The following TTC1 variants were observed in gnomAD, a reference collection of about 807,000 sequenced individuals.
TTC1 encodes tetratricopeptide repeat domain 1.
In TTC1, 31 loss-of-function variants were observed where a neutral mutation model predicts 37.6. That is an observed-to-expected ratio of 0.82 (90% CI 0.62 to 1.11). The LOEUF (loss-of-function observed/expected upper bound fraction) is 1.11. Ranked by LOEUF, TTC1 falls within the 50% of genes most tolerant of loss-of-function variation. The pLI is 0.00. For synonymous variants in TTC1, 127 were observed against 122.4 expected, an observed-to-expected ratio of 1.04 and a Z score of -0.25; for missense variants, 351 against 339.0, an observed-to-expected ratio of 1.04 and a Z score of -0.28.
At chr5:160,055,500 C>T (rs1188374892) in intron 7 of TTC1, among the ~76,000 whole-genome samples, 6 of 152,230 alleles carry the variant, frequency 3.9e-5, no homozygotes, top group Non-Finnish European at 8.8e-5. Flanking sequence ...AGCAAGTTAA[C>T]CTTTTGGAGC....
intron 2 of TTC1, among the ~76,000 whole-genome samples, chr5:160,020,224 A>G (rs1756681580): frequency 6.6e-6 from 1 of 152,196 alleles, no homozygotes; most frequent in Non-Finnish European, 1.5e-5. Context: ...TTTGGAACTA[A>G]GGTGGTCAGT....
rs772361709 is a variant in TTC1 at position 160,043,097 on chromosome 5, T to C, written c.505-36T>C. ...AGCCTTTGGGCCATTAAGATAAAAC[T>C]AGGGCAACACATATTAATACTGTTT... On this transcript the variant is annotated intron_variant, in intron 4 of 7. Transcript: ENST00000231238. The C allele has an allele frequency of 2.5e-6, 4 of 1,607,028 alleles. No homozygotes were observed. In the South Asian group the frequency reaches 3.4e-5, roughly 14 times the overall value.
chr5:160,051,253 A>G (rs1757397338), intron 7 of TTC1, 70 bp downstream of exon 7: 1 of 1,250,080 alleles, frequency 8.0e-7, no homozygotes, highest in Admixed American at 2.0e-5. Flanking sequence ...AGCGAATACT[A>G]GAGGAGAACA....
intron 5 of TTC1, among the ~76,000 whole-genome samples, 178 bp downstream of exon 5, chr5:160,043,347 G>C (rs1757135379): frequency 6.6e-6 from 1 of 152,194 alleles, no homozygotes; most frequent in South Asian, 2.1e-4. Flanking sequence ...TGAATGGATA[G>C]TTCAATCAGT....
chr5:160,058,412 T>C (rs1008206385), intron 7 of TTC1, among the ~76,000 whole-genome samples: 4 of 147,350 alleles, frequency 2.7e-5, no homozygotes, highest in African/African-American at 1.0e-4. Flanking sequence ...TGTATTTCTT[T>C]TTTTTTTTTT....
At chr5:160,040,948 T>TC (rs2113374821) in intron 4 of TTC1, among the ~76,000 whole-genome samples, 1 of 151,364 alleles carries the variant, frequency 6.6e-6, no homozygotes. Context: ...TTAAATAATT[T>TC]TTTTTTTTTT....
At position 160,043,156 on chromosome 5, in the gene TTC1, T is replaced by C. The variant is rs373148227; in HGVS notation, c.528T>C (p.Asn176=). 1 of 1,613,538 alleles carries C rather than the reference T, an allele frequency of 6.2e-7. No homozygotes were observed. Among genetic ancestry groups the C allele is most frequent in the Non-Finnish European group, 8.5e-7 (1 of 1,179,734 alleles). Residue 176 remains asparagine, a synonymous_variant, in exon 5 of 8, where the codon AAT becomes AAC. Coordinates refer to ENST00000231238, the MANE Select transcript of TTC1 (RefSeq NM_003314.3). The part of the protein sequence containing the change: ...MKQDKKEMAI[N]DCSKAIQLNP... Reference sequence around the variant, plus strand: ...AGGACAAGAAAGAAATGGCCATCAATGACTGCAGCAAAGGTACAGCTTTAT... The same window carrying C: ...AGGACAAGAAAGAAATGGCCATCAACGACTGCAGCAAAGGTACAGCTTTAT...
Position 160,035,131 on chromosome 5 carries a change from G to A in TTC1, c.331-9G>A. On this transcript the variant is annotated splice_polypyrimidine_tract_variant and intron_variant, in intron 2 of 7. Transcript: ENST00000231238. ...GTGAGAAATTATGTAATTCTCTGAT[G>A]TCTTTCAGAAAAGAAGAGAAGAGAG... 1 of 1,590,220 alleles carries A rather than the reference G, an allele frequency of 6.3e-7. No individual in the cohort carries two copies. Among genetic ancestry groups the A allele is most frequent in the Non-Finnish European group, 8.5e-7 (1 of 1,171,858 alleles).
Position 160,010,604 on chromosome 5 carries a change from G to T in TTC1, c.76G>T (p.Ala26Ser). ...NGLKVTDTQE[A>S]ECAGPPVPDP... is the part of the protein sequence containing the mutation. The stretch of plus-strand genomic sequence containing the variant: ...TTTGAAGGTTACAGATACTCAGGAA[G>T]CCGAGTGTGCTGGCCCTCCAGTTCC... Residue 26 changes from alanine (A) to serine (S), a missense_variant, in exon 2 of 8, where the codon GCC (alanine) becomes TCC (serine). Transcript: ENST00000231238. The T allele has an allele frequency of 6.2e-7, 1 of 1,614,124 alleles. No homozygotes were observed. The highest frequency in any genetic ancestry group is 8.5e-7 in the Non-Finnish European group (1 of 1,180,030).
intron 2 of TTC1, chr5:160,023,839 A>G (rs1352432139): frequency 6.2e-7 from 1 of 1,613,554 alleles, no homozygotes; most frequent in East Asian, 2.2e-5. Context: ...TGTCAGAGTC[A>G]GATGACTTCC....
At chr5:160,016,440 G>A (rs370960756) in intron 2 of TTC1, among the ~76,000 whole-genome samples, 4 of 152,090 alleles carry the variant, frequency 2.6e-5, no homozygotes, top group South Asian at 2.1e-4. Context: ...ATTGACCTGG[G>A]AAGCTGCCTG....
At chr5:160,024,372 A>G (rs922776340) in intron 2 of TTC1, among the ~76,000 whole-genome samples, 3 of 152,226 alleles carry the variant, frequency 2.0e-5, no homozygotes, top group Admixed American at 6.5e-5. Flanking sequence ...CAGGAAATAA[A>G]CATTATTACA....
chr5:160,022,982 G>A (rs938962466), intron 2 of TTC1, among the ~76,000 whole-genome samples: 11 of 152,176 alleles, frequency 7.2e-5, no homozygotes, highest in African/African-American at 2.7e-4. Context: ...TTGGCCGGGT[G>A]CAGTGGCTCA....
chr5:160,022,069 G>T (rs767953693), intron 2 of TTC1, among the ~76,000 whole-genome samples: 2 of 152,164 alleles, frequency 1.3e-5, no homozygotes, highest in African/African-American at 4.8e-5. Flanking sequence ...TAAGCTTGCC[G>T]GAGTGAGAGT....
rs576982915 is a variant in TTC1 at position 160,039,614 on chromosome 5, T to G, written c.504+2811T>G. ...ATAATTCCTTGATTTGAGGAGACAG[T>G]GGATAAGATGCACTACAGCTTAATA... On this transcript the variant is annotated intron_variant, in intron 4 of 7. Coordinates refer to ENST00000231238, the MANE Select transcript of TTC1 (RefSeq NM_003314.3). 2.6e-5 allele frequency among the ~76,000 whole-genome samples: 4 copies of G among 152,242 alleles called. No individual in the cohort carries two copies. In the South Asian group the frequency reaches 8.3e-4, roughly 32 times the overall value.
intron 2 of TTC1, among the ~76,000 whole-genome samples, chr5:160,019,332 T>C (rs916693725): frequency 3.6e-4 from 55 of 152,310 alleles, no homozygotes; most frequent in Non-Finnish European, 6.9e-4. Flanking sequence ...AGATGTTATA[T>C]TTCAGTCTCT....
chr5:160,029,736 A>T (rs1756873377), intron 2 of TTC1, among the ~76,000 whole-genome samples: 2 of 152,336 alleles, frequency 1.3e-5, no homozygotes, highest in South Asian at 4.1e-4. Context: ...AGGTAGGCAA[A>T]GTACAGAATA....
intron 7 of TTC1, among the ~76,000 whole-genome samples, chr5:160,051,690 A>G (rs373659785): frequency 2.6e-5 from 4 of 152,176 alleles, no homozygotes; most frequent in South Asian, 2.1e-4. Flanking sequence ...GGTAGGGCAA[A>G]TGGATTCATT....
chr5:160,023,799 T>C, intron 2 of TTC1: 2 of 1,613,664 alleles, frequency 1.2e-6, no homozygotes, highest in Non-Finnish European at 1.7e-6. Flanking sequence ...TGCCTTGCCC[T>C]CTTGCCTGTA....
Sources: allele counts gnomAD v4.1 joint callset (sites outside exome capture counted in the v4.1 genomes callset), GRCh38; gene constraint gnomAD v4.1.1; transcripts MANE v1.5; gene names NCBI Gene and HGNC (gene_info 2026-07-23, HGNC 2026-07-21).